Variants in UBE2E2 observed in about 807,000 individuals in gnomAD.
UBE2E2 encodes ubiquitin conjugating enzyme E2 E2.
UBE2E2 carries 6 observed loss-of-function variants against 24.7 expected under a neutral mutation model. The observed-to-expected ratio is 0.24, with a 90% CI of 0.13 to 0.48. UBE2E2 has a LOEUF of 0.48. UBE2E2 is among the 20% of genes least tolerant of loss of function. The pLI is 0.99. For synonymous variants in UBE2E2, 104 were observed against 83.6 expected, an observed-to-expected ratio of 1.24 and a Z score of -1.33; for missense variants, 169 against 245.0, an observed-to-expected ratio of 0.69 and a Z score of 2.07.
In UBE2E2 at chr3:23,534,200, A is replaced by G. The variant is rs915954719; in HGVS notation, c.508+1499A>G. ...TTTGCCTCCAAGTCAGCTGAAATGG[A>G]ATCTGTTACCCTGAATAAGCCTGTA... On this transcript the variant is annotated intron_variant, in intron 5 of 5. Transcript: ENST00000396703. 1.2e-5 allele frequency: 12 copies of G among 978,152 alleles called. No individual in the cohort carries two copies. In the African/African-American group the frequency reaches 2.2e-4, roughly 18 times the overall value. 60.6% of individuals were successfully genotyped at this position (978,152 alleles called of 1,614,324 possible).
intron 5 of UBE2E2, among the ~76,000 whole-genome samples, chr3:23,568,650 T>C (rs929529408): frequency 8.3e-6 from 1 of 120,238 alleles, no homozygotes; most frequent in Non-Finnish European, 1.7e-5. Context: ...TATACGCACA[T>C]ATATGTATAC....
chr3:23,550,051 A>T (rs929586108), intron 5 of UBE2E2, among the ~76,000 whole-genome samples: 1 of 151,536 alleles, frequency 6.6e-6, no homozygotes, highest in Non-Finnish European at 1.5e-5. Context: ...AAAAAAAGCA[A>T]TTTCATTCTC....
At chr3:23,454,854 C>A (rs1021472833) in intron 3 of UBE2E2, among the ~76,000 whole-genome samples, 1 of 152,182 alleles carries the variant, frequency 6.6e-6, no homozygotes, top group Non-Finnish European at 1.5e-5. Flanking sequence ...TGAAGCTAAA[C>A]TCAAAATTTG....
At chr3:23,359,214 C>G (rs1696047624) in intron 3 of UBE2E2, among the ~76,000 whole-genome samples, 1 of 152,076 alleles carries the variant, frequency 6.6e-6, no homozygotes. Flanking sequence ...GATCATTTCC[C>G]TACTCTAATG....
intron 3 of UBE2E2, among the ~76,000 whole-genome samples, chr3:23,382,013 A>G (rs1696681895): frequency 1.3e-5 from 2 of 152,240 alleles, no homozygotes; most frequent in South Asian, 4.1e-4. Flanking sequence ...TTTCCCATCC[A>G]GGGGATTATT....
intron 3 of UBE2E2, among the ~76,000 whole-genome samples, chr3:23,390,581 A>C (rs1696911130): frequency 6.6e-6 from 1 of 152,206 alleles, no homozygotes; most frequent in African/African-American, 2.4e-5. Flanking sequence ...CAGAGTGTAA[A>C]AGGCTGTCTT....
intron 3 of UBE2E2, among the ~76,000 whole-genome samples, chr3:23,458,121 T>G (rs1698721072): frequency 6.6e-6 from 1 of 152,164 alleles, no homozygotes; most frequent in South Asian, 2.1e-4. Flanking sequence ...CTTCATAGGC[T>G]TCATCATTGC....
At chr3:23,573,876 A>C (rs775547774) in intron 5 of UBE2E2, among the ~76,000 whole-genome samples, 5 of 152,192 alleles carry the variant, frequency 3.3e-5, no homozygotes, top group Non-Finnish European at 5.9e-5. Flanking sequence ...TAGTAACAAA[A>C]GGGTAAAGTC....
intron 3 of UBE2E2, among the ~76,000 whole-genome samples, chr3:23,310,845 C>T (rs2125276609): frequency 6.6e-6 from 1 of 152,204 alleles, no homozygotes; most frequent in Admixed American, 6.5e-5. Context: ...TGTCATTATT[C>T]CTAGACTGTG....
intron 5 of UBE2E2, among the ~76,000 whole-genome samples, chr3:23,584,402 AC>A (rs1286670188): frequency 6.6e-6 from 1 of 151,910 alleles, no homozygotes; most frequent in Non-Finnish European, 1.5e-5. Context: ...TCTAGGTGGG[AC>A]TATAAACCCT....
intron 3 of UBE2E2, among the ~76,000 whole-genome samples, chr3:23,480,470 C>T (rs558614498): frequency 6.6e-6 from 1 of 152,254 alleles, no homozygotes; most frequent in South Asian, 2.1e-4. Context: ...TCCTGCCCCG[C>T]CAGCTTAGTA....
intron 3 of UBE2E2, among the ~76,000 whole-genome samples, chr3:23,380,935 A>G (rs1194374413): frequency 1.3e-5 from 2 of 152,136 alleles, no homozygotes; most frequent in Non-Finnish European, 2.9e-5. Context: ...CTAGTTTATA[A>G]TTTGGGAACC....
At chr3:23,473,908 G>A (rs1164996456) in intron 3 of UBE2E2, among the ~76,000 whole-genome samples, 2 of 151,920 alleles carry the variant, frequency 1.3e-5, no homozygotes, top group Non-Finnish European at 2.9e-5. Context: ...CTTTTCCTCT[G>A]GGTAAATACC....
intron 3 of UBE2E2, among the ~76,000 whole-genome samples, chr3:23,373,355 C>G (rs886808194): frequency 6.6e-6 from 1 of 152,176 alleles, no homozygotes; most frequent in Non-Finnish European, 1.5e-5. Context: ...AGCCTAGCTT[C>G]CCATTCCACA....
chr3:23,258,246 T>TG (rs1186881540), intron 3 of UBE2E2, among the ~76,000 whole-genome samples: 1 of 152,110 alleles, frequency 6.6e-6, no homozygotes, highest in African/African-American at 2.4e-5. Flanking sequence ...GCAAAGATGG[T>TG]GACTAGCAGA....
chr3:23,322,122 A>G (rs778607124), intron 3 of UBE2E2, among the ~76,000 whole-genome samples: 1 of 152,222 alleles, frequency 6.6e-6, no homozygotes, highest in African/African-American at 2.4e-5. Context: ...CTTTCATTCA[A>G]TGAGTGAAAT....
chr3:23,554,112 A>G (rs1317502543), intron 5 of UBE2E2, among the ~76,000 whole-genome samples: 4 of 152,156 alleles, frequency 2.6e-5, no homozygotes, highest in African/African-American at 9.7e-5. Context: ...GGGGGAAGAG[A>G]TATCACACTT....
chr3:23,501,517 G>A (rs1038848931), intron 4 of UBE2E2, among the ~76,000 whole-genome samples: 1 of 152,182 alleles, frequency 6.6e-6, no homozygotes, highest in Non-Finnish European at 1.5e-5. Context: ...ACTGAAGTCT[G>A]ACTCCAGGGG....
intron 3 of UBE2E2, among the ~76,000 whole-genome samples, chr3:23,263,656 C>T (rs1454185987): frequency 6.6e-6 from 1 of 152,124 alleles, no homozygotes; most frequent in Admixed American, 6.5e-5. Context: ...TTGAACATAG[C>T]CCTGCTTAAT....
Sources: gnomAD v4.1 joint callset for allele counts (sites outside exome capture counted in the v4.1 genomes callset) on GRCh38, gnomAD v4.1.1 for gene constraint, MANE v1.5 for transcripts, NCBI Gene and HGNC (gene_info 2026-07-23, HGNC 2026-07-21) for gene names.